ERICH3: variants seen among roughly 807,000 people sequenced by gnomAD.
ERICH3 encodes glutamate rich 3.
Under a neutral mutation model 131.1 loss-of-function variants are expected in ERICH3, and 126 were observed. The ratio of observed to expected loss-of-function variants is 0.96; its 90% CI spans 0.83 to 1.11. ERICH3 has a LOEUF of 1.11. ERICH3 is among the 50% of genes most tolerant of loss of function. The pLI is 0.00. For missense variants in ERICH3, 2,050 were observed against 1,810.7 expected, an observed-to-expected ratio of 1.13 and a Z score of -2.40; for synonymous variants, 695 against 644.6, an observed-to-expected ratio of 1.08 and a Z score of -1.18.
At chr1:74,636,155 C>A in intron 6 of ERICH3, 125 bp downstream of exon 6, 1 of 776,922 alleles carries the variant, frequency 1.3e-6, no homozygotes, top group East Asian at 2.8e-5. Flanking sequence ...GTAAGTGTTT[C>A]ATACATATAC....
rs576740297 is a variant in ERICH3, at chr1:74,611,690, C to G, written c.1187+933G>C. Among the ~76,000 whole-genome samples the G allele has an allele frequency of 2.6e-5, 4 of 152,256 alleles. No individual in the cohort carries two copies. In the East Asian group the frequency reaches 7.7e-4, roughly 29 times the overall value. On this transcript the variant is annotated intron_variant, in intron 9 of 14. Transcript: ENST00000326665. ...ACAACAAACACGTGCCTGCTTCATG[C>G]CTTCTGTATATGCTTTTCCTCTATC...
chr1:74,640,887 C>T (rs1646431949), intron 5 of ERICH3, among the ~76,000 whole-genome samples: 1 of 151,940 alleles, frequency 6.6e-6, no homozygotes, highest in African/African-American at 2.4e-5. Context: ...AGAAAAAATC[C>T]AGAGGTCAGA....
chr1:74,665,061 G>C (rs1189328030), intron 1 of ERICH3, among the ~76,000 whole-genome samples: 1 of 152,066 alleles, frequency 6.6e-6, no homozygotes, highest in African/African-American at 2.4e-5. Flanking sequence ...GGGTTCTTTA[G>C]GAGTTGATTA....
chr1:74,621,065 G>A, intron 7 of ERICH3, 151 bp from the exon 8 acceptor site: 1 of 645,710 alleles, frequency 1.5e-6, no homozygotes. Flanking sequence ...TGCACAAAAA[G>A]TCAAACTCAT....
At chr1:74,596,735 C>T (rs954249486) in intron 11 of ERICH3, among the ~76,000 whole-genome samples, 1 of 151,998 alleles carries the variant, frequency 6.6e-6, no homozygotes, top group Admixed American at 6.6e-5. Context: ...TGAATTAGTG[C>T]CTGGGGTTGC....
chr1:74,572,484 C>G lies in ERICH3; in HGVS notation c.3226G>C (p.Glu1076Gln). 2.5e-6 allele frequency: 4 copies of G among 1,614,068 alleles called. No individual in the cohort carries two copies. Among genetic ancestry groups the G allele is most frequent in the South Asian group, 1.1e-5 (1 of 91,078 alleles). Residue 1076 changes from glutamate to glutamine, a missense_variant, in exon 14 of 15, where the codon GAG (glutamate) becomes CAG (glutamine). Coordinates refer to ENST00000326665, the MANE Select transcript of ERICH3 (RefSeq NM_001002912.5). ...TTTGCCCTTGTCACCTCTTCTCTCT[C>G]AGAGTCAGTTTTCCTCAGAGATGTT... ...PKTSLRKTDS[E>Q]REEVTRANAL...
rs149572494 is a variant in ERICH3, at chr1:74,596,826, C to T, written c.1726+2869G>A. Among the ~76,000 whole-genome samples the T allele has an allele frequency of 3.3e-5, 5 of 152,108 alleles. No individual in the cohort carries two copies. The East Asian group carries it at 7.8e-4, about 24-fold the overall frequency. On this transcript the variant is annotated intron_variant, in intron 11 of 14. Transcript: ENST00000326665. ...CACACATCATTCCTAAACCAGGGTC[C>T]TCTCTTAGTCAGCTTGCAGCCAGTA...
At chr1:74,664,015 T>G (rs1212578778) in intron 1 of ERICH3, among the ~76,000 whole-genome samples, 5 of 152,188 alleles carry the variant, frequency 3.3e-5, no homozygotes, top group African/African-American at 1.2e-4. Context: ...GTTTGCAATT[T>G]ACATGGGAGA....
intron 9 of ERICH3, 123 bp downstream of exon 9, chr1:74,612,500 G>C: frequency 1.3e-6 from 1 of 786,508 alleles, no homozygotes; most frequent in Non-Finnish European, 1.9e-6. Flanking sequence ...CCTGAACCTA[G>C]ATATTGTAGG....
intron 11 of ERICH3, among the ~76,000 whole-genome samples, chr1:74,598,409 G>A (rs531722590): frequency 6.6e-6 from 1 of 151,894 alleles, no homozygotes; most frequent in Non-Finnish European, 1.5e-5. Context: ...TTAGGAGAAG[G>A]CTTTTTAATT....
In ERICH3 at chr1:74,604,279, C is replaced by T. The variant is rs180978184; in HGVS notation, c.1489+2322G>A. Among the ~76,000 whole-genome samples the T allele has an allele frequency of 6.6e-5, 10 of 151,994 alleles. No individual in the cohort carries two copies. In the East Asian group the frequency reaches 1.7e-3, roughly 27 times the overall value. On this transcript the variant is annotated intron_variant, in intron 10 of 14. Transcript: ENST00000326665. ...TTAGGCCCCACTTCTAATTCTCTTG[C>T]TATTTCTACCACATCTGCAATTACT...
chr1:74,665,248 G>C (rs1193850529), intron 1 of ERICH3, among the ~76,000 whole-genome samples: 1 of 151,604 alleles, frequency 6.6e-6, no homozygotes, highest in Admixed American at 6.6e-5. Flanking sequence ...CCAGAGAGCA[G>C]GCCCTCACCA....
intron 9 of ERICH3, among the ~76,000 whole-genome samples, chr1:74,609,707 A>C (rs1216235044): frequency 6.6e-6 from 1 of 152,068 alleles, no homozygotes; most frequent in Admixed American, 6.6e-5. Context: ...GCATTCACAG[A>C]TTTCATTGGA....
intron 13 of ERICH3, among the ~76,000 whole-genome samples, chr1:74,576,659 G>A (rs947763573): frequency 1.3e-5 from 2 of 152,142 alleles, no homozygotes; most frequent in African/African-American, 4.8e-5. Flanking sequence ...GCCTCACAGT[G>A]CTTGATGACA....
intron 1 of ERICH3, among the ~76,000 whole-genome samples, chr1:74,657,552 G>C (rs1219149682): frequency 6.6e-6 from 1 of 151,992 alleles, no homozygotes; most frequent in African/African-American, 2.4e-5. Context: ...CAGTAATTAT[G>C]CTAAATATTG....
At position 74,620,868 on chromosome 1, in the gene ERICH3, A is replaced by G; in HGVS notation, c.866T>C (p.Ile289Thr). The G allele has an allele frequency of 6.2e-7, 1 of 1,612,416 alleles. No homozygotes were observed. Among genetic ancestry groups the G allele is most frequent in the Non-Finnish European group, 8.5e-7 (1 of 1,179,090 alleles). ...ATTTTTCCCCAAATAGATCATTGTA[A>G]TAGCTGCATTACTATGTAAGGATGT... is the stretch of plus-strand genomic sequence containing the variant. ...HKTSLHSNAA[I>T]TMIYLGKNVH... Residue 289 changes from isoleucine to threonine, a missense_variant, in exon 8 of 15, where the codon ATT (isoleucine) becomes ACT (threonine). Physicochemically the swap from Ile to Thr is moderately conservative, Grantham distance 89. Transcript: ENST00000326665.
intron 10 of ERICH3, among the ~76,000 whole-genome samples, chr1:74,600,495 C>T (rs1648077464): frequency 6.6e-6 from 1 of 151,620 alleles, no homozygotes; most frequent in South Asian, 2.1e-4. Flanking sequence ...TATATGTAGG[C>T]CAGAAATGAA....
chr1:74,573,412 C>T lies in ERICH3; in HGVS notation c.2298G>A (p.Thr766=), dbSNP rs143908474. 172 of 1,586,822 alleles carry T rather than the reference C, an allele frequency of 1.1e-4. No homozygotes were observed. Among genetic ancestry groups the T allele is most frequent in the Admixed American group, 9.8e-4 (52 of 53,218 alleles). ...NKESQQLVQK[T]YTLEKKEAME... ...TTGCTTCTTTCTTCTCCAGTGTATA[C>T]GTTTTTTGCACCAATTGCTGGGATT... The change falls in exon 14 of 15, where the codon ACG becomes ACA. Residue 766 remains threonine, a synonymous_variant. Coordinates refer to ENST00000326665, the MANE Select transcript of ERICH3 (RefSeq NM_001002912.5).
intron 11 of ERICH3, among the ~76,000 whole-genome samples, chr1:74,593,732 A>C (rs1010816822): frequency 2.6e-5 from 4 of 152,128 alleles, no homozygotes; most frequent in Admixed American, 6.6e-5. Context: ...ATTTAATCCT[A>C]TGAAATAATA....
Sources: allele counts gnomAD v4.1 joint callset (sites outside exome capture counted in the v4.1 genomes callset), GRCh38; gene constraint gnomAD v4.1.1; transcripts MANE v1.5; gene names NCBI Gene and HGNC (gene_info 2026-07-23, HGNC 2026-07-21).